Variants in KRTAP19-1 observed in about 807,000 individuals in gnomAD.
KRTAP19-1 encodes the protein keratin-associated protein 19-1.
For synonymous variants in KRTAP19-1, 45 were observed against 48.3 expected (o/e 0.93, Z 0.28); for missense variants, 116 against 113.6 (o/e 1.02, Z -0.10).
chr21:30,480,006 T>G lies in KRTAP19-1; in HGVS notation c.*39A>C. 1 of 1,613,798 alleles carries G rather than the reference T, an allele frequency of 6.2e-7. No homozygotes were observed. ...AAGCACGGGACAGGACCAAACACAT[T>G]TGGAGGTTTCTCCTCTGCTTCCAAT... On this transcript the variant is annotated 3_prime_UTR_variant, in exon 1 of 1. Transcript: ENST00000390689.
Position 30,480,229 on chromosome 21 carries a change from C to T in KRTAP19-1, c.89G>A (p.Gly30Asp), listed in dbSNP as rs528083050. The change falls in exon 1 of 1, where the codon GGC becomes GAC. Residue 30 changes from glycine to aspartate, a missense_variant. Physicochemically the swap from Gly to Asp is moderately conservative, Grantham distance 94. Transcript: ENST00000390689. ...GLGYGYGCGC[G>D]SFCRRGSGCG... The stretch of plus-strand genomic sequence containing the variant: ...GCCAGAACCCCGTCTGCAGAAGCTG[C>T]CACATCCACAGCCATAGCCATAGCC... 1.9e-6 allele frequency: 3 copies of T among 1,614,174 alleles called. No homozygotes were observed. Among genetic ancestry groups the T allele is most frequent in the African/African-American group, 1.3e-5 (1 of 75,040 alleles).
Position 30,479,892 on chromosome 21 carries a change from A to G in KRTAP19-1, c.*153T>C, listed in dbSNP as rs560480026. ...AAGTAAAAAGACAACAAATATTCAC[A>G]GAAGCAGCTTAAATCTATTTTAAAG... On this transcript the variant is annotated 3_prime_UTR_variant, in exon 1 of 1. Coordinates refer to ENST00000390689, the MANE Select transcript of KRTAP19-1 (RefSeq NM_181607.3). 1.6e-3 allele frequency: 1,684 copies of G among 1,053,486 alleles called. 1 individual carries two copies. The highest frequency in any genetic ancestry group is 2.2e-3 in the Non-Finnish European group (1,581 of 720,622). The allele number at this position is 1,053,486 out of a possible 1,614,324, so 65.3% of individuals were successfully genotyped here. A position where few individuals can be genotyped will look rare whatever the true frequency, so the allele number is the denominator to read the frequency against.
In KRTAP19-1 at chr21:30,480,202, C is replaced by T; in HGVS notation, c.116G>A (p.Cys39Tyr). Reference protein sequence around the residue: ...CGSFCRRGSGCGYGGYGYGSG... With the variant: ...CGSFCRRGSGYGYGGYGYGSG... Reference sequence around the variant, plus strand: ...GCCATATCCGTAGCCTCCATAGCCACAGCCAGAACCCCGTCTGCAGAAGCT... The same window carrying T: ...GCCATATCCGTAGCCTCCATAGCCATAGCCAGAACCCCGTCTGCAGAAGCT... The change falls in exon 1 of 1, where the codon TGT becomes TAT. Residue 39 changes from cysteine to tyrosine, a missense_variant. Transcript: ENST00000390689. 6.2e-7 allele frequency: 1 copy of T among 1,614,080 alleles called. No individual in the cohort carries two copies. The highest frequency in any genetic ancestry group is 8.5e-7 in the Non-Finnish European group (1 of 1,180,030).
Position 30,480,137 on chromosome 21 carries a change from C to G in KRTAP19-1, c.181G>C (p.Gly61Arg). The G allele has an allele frequency of 6.2e-7, 1 of 1,601,188 alleles. No individual in the cohort carries two copies. Among genetic ancestry groups the G allele is most frequent in the Non-Finnish European group, 8.6e-7 (1 of 1,168,090 alleles). The change falls in exon 1 of 1, where the codon GGC becomes CGC. Residue 61 changes from glycine to arginine, a missense_variant. Coordinates refer to ENST00000390689, the MANE Select transcript of KRTAP19-1 (RefSeq NM_181607.3). Reference protein sequence around the residue: ...GSYGYGSGFGGYGYGSGFGGY... With the variant: ...GSYGYGSGFGRYGYGSGFGGY... Reference sequence around the variant, plus strand: ...CCAAAGCCAGAGCCATATCCGTAGCCTCCAAAGCCAGAGCCATATCCGTAG... The same window carrying G: ...CCAAAGCCAGAGCCATATCCGTAGCGTCCAAAGCCAGAGCCATATCCGTAG...
At chr21:30,480,066 G>C in the KRTAP19-1 span, 1 of 1,614,084 alleles carries the variant, frequency 6.2e-7, no homozygotes, top group South Asian at 1.1e-5. Flanking sequence ...CAGAGAATCC[G>C]TATCCTCCAT....
In KRTAP19-1 at chr21:30,480,137, C is replaced by T. The variant is rs201745575; in HGVS notation, c.181G>A (p.Gly61Ser). 2 of 1,601,188 alleles carry T rather than the reference C, an allele frequency of 1.2e-6. No homozygotes were observed. Among genetic ancestry groups the T allele is most frequent in the Admixed American group, 1.7e-5 (1 of 59,884 alleles). ...CCAAAGCCAGAGCCATATCCGTAGC[C>T]TCCAAAGCCAGAGCCATATCCGTAG... ...GSYGYGSGFG[G>S]YGYGSGFGGY... The change falls in exon 1 of 1, where the codon GGC (glycine) becomes AGC (serine). Residue 61 changes from glycine to serine, a missense_variant. Coordinates refer to ENST00000390689, the MANE Select transcript of KRTAP19-1 (RefSeq NM_181607.3).
Position 30,480,196 on chromosome 21 carries a change from T to C in KRTAP19-1, c.122A>G (p.Tyr41Cys), listed in dbSNP as rs200360535. 2 of 1,613,860 alleles carry C rather than the reference T, an allele frequency of 1.2e-6. No homozygotes were observed. The highest frequency in any genetic ancestry group is 1.7e-6 in the Non-Finnish European group (2 of 1,180,014). The change falls in exon 1 of 1, where the codon TAT (tyrosine) becomes TGT (cysteine). Residue 41 changes from tyrosine (Y) to cysteine (C), a missense_variant. By Grantham distance (194) the Tyr-to-Cys change is radical (BLOSUM62 -2). Coordinates refer to ENST00000390689, the MANE Select transcript of KRTAP19-1 (RefSeq NM_181607.3). ...SFCRRGSGCGYGGYGYGSGFG... is the reference protein window; with the variant it reads ...SFCRRGSGCGCGGYGYGSGFG... Reference sequence around the variant, plus strand: ...GCCAGAGCCATATCCGTAGCCTCCATAGCCACAGCCAGAACCCCGTCTGCA... The same window carrying C: ...GCCAGAGCCATATCCGTAGCCTCCACAGCCACAGCCAGAACCCCGTCTGCA...
Position 30,479,943 on chromosome 21 carries a change from A to G in KRTAP19-1, c.*102T>C. On this transcript the variant is annotated 3_prime_UTR_variant, in exon 1 of 1. Transcript: ENST00000390689. Reference sequence around the variant, plus strand: ...ATTTAACATAGCTAAATATCTCTCCATTGATGCTGAAGGCAATAGAATGGA... The same window carrying G: ...ATTTAACATAGCTAAATATCTCTCCGTTGATGCTGAAGGCAATAGAATGGA... 1 of 1,417,496 alleles carries G rather than the reference A, an allele frequency of 7.1e-7. No individual in the cohort carries two copies. Among genetic ancestry groups the G allele is most frequent in the Non-Finnish European group, 9.8e-7 (1 of 1,021,752 alleles). 87.8% of individuals were successfully genotyped at this position (1,417,496 alleles called of 1,614,324 possible). A position where few individuals can be genotyped will look rare whatever the true frequency, so the allele number is the denominator to read the frequency against.
At position 30,480,244 on chromosome 21, in the gene KRTAP19-1, T is replaced by C. The variant is rs1259341759; in HGVS notation, c.74A>G (p.Tyr25Cys). 25 of 1,613,976 alleles carry C rather than the reference T, an allele frequency of 1.5e-5. No individual in the cohort carries two copies. The highest frequency in any genetic ancestry group is 1.9e-5 in the Non-Finnish European group (22 of 1,180,024). The change falls in exon 1 of 1, where the codon TAT becomes TGT. Residue 25 changes from tyrosine to cysteine, a missense_variant. Coordinates refer to ENST00000390689, the MANE Select transcript of KRTAP19-1 (RefSeq NM_181607.3). ...GCAGAAGCTGCCACATCCACAGCCA[T>C]AGCCATAGCCCAGGCCACCGAAGCC... is the stretch of plus-strand genomic sequence containing the variant. ...CGGFGGLGYG[Y>C]GCGCGSFCRR...
rs1163137152 is a variant in KRTAP19-1, at chr21:30,480,117, G to T, written c.201C>A (p.Gly67=). ...SGFGGYGYGS[G]FGGYGYGCCR... ...AGCAGCCATATCCATAGCCTCCAAA[G>T]CCAGAGCCATATCCGTAGCCTCCAA... The change falls in exon 1 of 1, where the codon GGC becomes GGA. Residue 67 remains glycine (G), a synonymous_variant. Coordinates refer to ENST00000390689, the MANE Select transcript of KRTAP19-1 (RefSeq NM_181607.3). 6.2e-7 allele frequency: 1 copy of T among 1,600,106 alleles called. No homozygotes were observed. The highest frequency in any genetic ancestry group is 1.3e-5 in the African/African-American group (1 of 74,696).
In KRTAP19-1 at chr21:30,480,324, A is replaced by G; in HGVS notation, c.-7T>C. The G allele has an allele frequency of 6.2e-7, 1 of 1,614,004 alleles. No homozygotes were observed. On this transcript the variant is annotated 5_prime_UTR_variant, in exon 1 of 1. Transcript: ENST00000390689. ...AGCTGCCGTAGTGACTCATGGTGTC[A>G]GGAGTGGTGAGTTGGTTTGTTGTTC...
chr21:30,480,076 T>C lies in KRTAP19-1; in HGVS notation c.242A>G (p.Asn81Ser), dbSNP rs376704982. 5 of 1,614,170 alleles carry C rather than the reference T, an allele frequency of 3.1e-6. No homozygotes were observed. Among genetic ancestry groups the C allele is most frequent in the Non-Finnish European group, 4.2e-6 (5 of 1,180,032 alleles). The change falls in exon 1 of 1, where the codon AAT (asparagine) becomes AGT (serine). Residue 81 changes from asparagine (N) to serine (S), a missense_variant. Transcript: ENST00000390689. The stretch of plus-strand genomic sequence containing the variant: ...AAAGCCAGAGAATCCGTATCCTCCA[T>C]TGTACGATGGGCGGCAGCAGCCATA... ...YGYGCCRPSY[N>S]GGYGFSGFY
rs752693248 is a variant in KRTAP19-1 at position 30,480,259 on chromosome 21, C to T, written c.59G>A (p.Gly20Asp). Reference protein sequence around the residue: ...GLGYSCGGFGGLGYGYGCGCG... With the variant: ...GLGYSCGGFGDLGYGYGCGCG... ...TCCACAGCCATAGCCATAGCCCAGG[C>T]CACCGAAGCCTCCACAGCTGTAGCC... Residue 20 changes from glycine to aspartate, a missense_variant, in exon 1 of 1, where the codon GGC becomes GAC. Physicochemically the swap from Gly to Asp is moderately conservative, Grantham distance 94 (BLOSUM62 -1). Coordinates refer to ENST00000390689, the MANE Select transcript of KRTAP19-1 (RefSeq NM_181607.3). 6.2e-7 allele frequency: 1 copy of T among 1,614,172 alleles called. No homozygotes were observed. The highest frequency in any genetic ancestry group is 1.3e-5 in the African/African-American group (1 of 75,038).
At position 30,480,360 on chromosome 21, in the gene KRTAP19-1, C is replaced by T; in HGVS notation, c.-43G>A. 1 of 1,610,350 alleles carries T rather than the reference C, an allele frequency of 6.2e-7. No individual in the cohort carries two copies. Among genetic ancestry groups the T allele is most frequent in the Non-Finnish European group, 8.5e-7 (1 of 1,176,906 alleles). The stretch of plus-strand genomic sequence containing the variant: ...GTTGGTTTGTTGTTCAGGCAAGATC[C>T]TGAGTGTGAATGCCAGCATGTATAG... On this transcript the variant is annotated 5_prime_UTR_variant, in exon 1 of 1. Transcript: ENST00000390689.
In KRTAP19-1 at chr21:30,480,194, C is replaced by T. The variant is rs777506603; in HGVS notation, c.124G>A (p.Gly42Arg). ...AAGCCAGAGCCATATCCGTAGCCTC[C>T]ATAGCCACAGCCAGAACCCCGTCTG... ...FCRRGSGCGY[G>R]GYGYGSGFGS... The change falls in exon 1 of 1, where the codon GGA becomes AGA. Residue 42 changes from glycine (G) to arginine (R), a missense_variant. Coordinates refer to ENST00000390689, the MANE Select transcript of KRTAP19-1 (RefSeq NM_181607.3). 6 of 1,614,166 alleles carry T rather than the reference C, an allele frequency of 3.7e-6. No homozygotes were observed. The Admixed American group carries it at 5.0e-5, about 13-fold the overall frequency.
chr21:30,480,086 G>C lies in KRTAP19-1; in HGVS notation c.232C>G (p.Pro78Ala). ...AATCCGTATCCTCCATTGTACGATG[G>C]GCGGCAGCAGCCATATCCATAGCCT... The part of the protein sequence containing the change: ...FGGYGYGCCR[P>A]SYNGGYGFSG... Residue 78 changes from proline to alanine, a missense_variant, in exon 1 of 1, where the codon CCA becomes GCA. Physicochemically the swap from Pro to Ala is conservative, Grantham distance 27. Coordinates refer to ENST00000390689, the MANE Select transcript of KRTAP19-1 (RefSeq NM_181607.3). The C allele has an allele frequency of 6.2e-7, 1 of 1,614,070 alleles. No individual in the cohort carries two copies. The highest frequency in any genetic ancestry group is 1.1e-5 in the South Asian group (1 of 91,072).
chr21:30,480,021 C>T lies in KRTAP19-1; in HGVS notation c.*24G>A, dbSNP rs377082882. 1.4e-5 allele frequency: 22 copies of T among 1,614,020 alleles called. No individual in the cohort carries two copies. The highest frequency in any genetic ancestry group is 1.7e-5 in the Admixed American group (1 of 59,998). On this transcript the variant is annotated 3_prime_UTR_variant, in exon 1 of 1. Transcript: ENST00000390689. ...CCAAACACATTTGGAGGTTTCTCCT[C>T]TGCTTCCAATTTCAGCAATTCATTT...
rs951282294 is a variant in KRTAP19-1 at position 30,479,869 on chromosome 21, G to T, written c.*176C>A. 7 of 924,634 alleles carry T rather than the reference G, an allele frequency of 7.6e-6. No individual in the cohort carries two copies. Among genetic ancestry groups the T allele is most frequent in the Non-Finnish European group, 1.1e-5 (7 of 611,088 alleles). 57.3% of individuals were successfully genotyped at this position (924,634 alleles called of 1,614,324 possible). On this transcript the variant is annotated 3_prime_UTR_variant, in exon 1 of 1. Transcript: ENST00000390689. ...TGATTTCAGGTGACGGACTCCGAAA[G>T]TAAAAAGACAACAAATATTCACAGA...
rs765315682 is a variant in KRTAP19-1, at chr21:30,480,223, A to G, written c.95T>C (p.Phe32Ser). Residue 32 changes from phenylalanine to serine, a missense_variant, in exon 1 of 1, where the codon TTC becomes TCC. By Grantham distance (155) the Phe-to-Ser change is radical. Coordinates refer to ENST00000390689, the MANE Select transcript of KRTAP19-1 (RefSeq NM_181607.3). ...GCCACAGCCAGAACCCCGTCTGCAG[A>G]AGCTGCCACATCCACAGCCATAGCC... The part of the protein sequence containing the change: ...GYGYGCGCGS[F>S]CRRGSGCGYG... 6.2e-6 allele frequency: 10 copies of G among 1,613,998 alleles called. No homozygotes were observed. Among genetic ancestry groups the G allele is most frequent in the Non-Finnish European group, 6.8e-6 (8 of 1,180,010 alleles).
Sources: gnomAD v4.1 joint callset for allele counts on GRCh38, gnomAD v4.1.1 for gene constraint, MANE v1.5 for transcripts, NCBI Gene and HGNC (gene_info 2026-07-23, HGNC 2026-07-21) for gene names.